The following ATP5PF variants were observed in gnomAD, a reference collection of about 807,000 sequenced individuals.
The protein encoded by ATP5PF is ATP synthase peripheral stalk subunit F6, mitochondrial.
In ATP5PF, 7 loss-of-function variants were observed where a neutral mutation model predicts 12.0. The observed-to-expected ratio is 0.58, with a 90% CI of 0.33 to 1.10. ATP5PF has a LOEUF of 1.10. ATP5PF is among the 50% of genes least tolerant of loss of function. The pLI is 0.03. For missense variants in ATP5PF, 120 were observed against 127.7 expected (o/e 0.94, Z 0.29); for synonymous variants, 41 against 45.4 (o/e 0.90, Z 0.39).
At chr21:25,731,427 T>A (rs926007182) in intron 1 of ATP5PF, among the ~76,000 whole-genome samples, 1 of 151,166 alleles carries the variant, frequency 6.6e-6, no homozygotes, top group Non-Finnish European at 1.5e-5. Context: ...TCAGACAGGG[T>A]CTCACTCTGT....
rs969805921 is a variant in ATP5PF, at chr21:25,734,279, A to G, written c.-8+574T>C. 6.2e-6 allele frequency: 6 copies of G among 968,558 alleles called. No homozygotes were observed. The African/African-American group carries it at 1.1e-4, about 17-fold the overall frequency. The allele number at this position is 968,558 out of a possible 1,614,324, so 60.0% of individuals were successfully genotyped here. A position where few individuals can be genotyped will look rare whatever the true frequency, so the allele number is the denominator to read the frequency against. ...GCAACAGTAAGAAAACACTAGTCTG[A>G]GCAGAGGCCTTGTTCTGGGTGGGAG... On this transcript the variant is annotated intron_variant, in intron 1 of 3. Transcript: ENST00000284971.
intron 1 of ATP5PF, among the ~76,000 whole-genome samples, chr21:25,733,710 A>G (rs1281689499): frequency 6.6e-6 from 1 of 152,182 alleles, no homozygotes; most frequent in Non-Finnish European, 1.5e-5. Context: ...ACTTCCATAT[A>G]TATCCTTTCC....
intron 3 of ATP5PF, 58 bp downstream of exon 3, chr21:25,725,168 G>A (rs1474536246): frequency 9.0e-6 from 14 of 1,558,986 alleles, no homozygotes; most frequent in Non-Finnish European, 1.1e-5. Context: ...ATCCAGGTAA[G>A]TGTAAATATT....
At chr21:25,734,495 T>C (rs996770724) in intron 1 of ATP5PF, 15 of 682,044 alleles carry the variant, frequency 2.2e-5, no homozygotes, top group Non-Finnish European at 2.8e-5. Context: ...TCTGCCTAAG[T>C]AGCCTAGACG....
intron 2 of ATP5PF, among the ~76,000 whole-genome samples, chr21:25,727,626 G>T (rs749130547): frequency 6.6e-6 from 1 of 152,054 alleles, no homozygotes; most frequent in African/African-American, 2.4e-5. Context: ...ACAAACGAAT[G>T]AATGACCCAC....
In ATP5PF at chr21:25,725,273, A is replaced by G. The variant is rs775263367; in HGVS notation, c.242T>C (p.Met81Thr). 2 of 1,613,442 alleles carry G rather than the reference A, an allele frequency of 1.2e-6. No individual in the cohort carries two copies. Among genetic ancestry groups the G allele is most frequent in the Non-Finnish European group, 1.7e-6 (2 of 1,179,958 alleles). Residue 81 changes from methionine (M) to threonine (T), a missense_variant, in exon 3 of 4, where the codon ATG becomes ACG. Physicochemically the swap from Met to Thr is moderately conservative, Grantham distance 81. Transcript: ENST00000284971. ...TGTATTCATGTCTGCATTACCAAAC[A>G]TTTGCTTGAGCTTAAAAAGCTCCCT... Reference protein sequence around the residue: ...LERELFKLKQMFGNADMNTFP... With the variant: ...LERELFKLKQTFGNADMNTFP...
At chr21:25,729,151 T>TA (rs1555875003) in intron 2 of ATP5PF, among the ~76,000 whole-genome samples, 1 of 152,076 alleles carries the variant, frequency 6.6e-6, no homozygotes, top group East Asian at 1.9e-4. Flanking sequence ...AATAGCCTTT[T>TA]AAAAAAAAGA....
At chr21:25,727,168 A>T (rs926096894) in intron 2 of ATP5PF, among the ~76,000 whole-genome samples, 9 of 152,226 alleles carry the variant, frequency 5.9e-5, no homozygotes, top group Admixed American at 5.9e-4. Flanking sequence ...GATAACGGCA[A>T]CCAAAATGGA....
intron 1 of ATP5PF, among the ~76,000 whole-genome samples, chr21:25,733,505 C>T (rs959790043): frequency 1.3e-5 from 2 of 151,606 alleles, no homozygotes; most frequent in African/African-American, 2.4e-5. Flanking sequence ...CCAGCCTGGG[C>T]GACAGAGCGA....
At chr21:25,729,268 T>G (rs2034694389) in intron 2 of ATP5PF, among the ~76,000 whole-genome samples, 1 of 152,250 alleles carries the variant, frequency 6.6e-6, no homozygotes, top group African/African-American at 2.4e-5. Context: ...TTTTATGATC[T>G]TCGGCTAATC....
intron 3 of ATP5PF, 47 bp downstream of exon 3, chr21:25,725,177 TTC>T: frequency 6.4e-7 from 1 of 1,569,290 alleles, no homozygotes; most frequent in Non-Finnish European, 8.6e-7. Context: ...AGTGTAAATA[TTC>T]TTCACTTATC....
At chr21:25,725,497 T>C (rs2034595019) in intron 2 of ATP5PF, 147 bp from the exon 3 acceptor site, 2 of 883,188 alleles carry the variant, frequency 2.3e-6, no homozygotes, top group South Asian at 4.0e-5. Context: ...TGGAGTGCGG[T>C]AGCATGATCT....
chr21:25,733,251 C>T (rs149223175), intron 1 of ATP5PF, among the ~76,000 whole-genome samples: 4 of 152,058 alleles, frequency 2.6e-5, no homozygotes, highest in African/African-American at 7.2e-5. Flanking sequence ...TCAAAGTGGT[C>T]GGGCGCGGTG....
chr21:25,726,219 CTT>C (rs546154485), intron 2 of ATP5PF, among the ~76,000 whole-genome samples: 76 of 152,314 alleles, frequency 5.0e-4, no homozygotes, highest in African/African-American at 1.8e-3. Context: ...AGACCTTAGA[CTT>C]TTAAGTTTCT....
intron 1 of ATP5PF, chr21:25,734,492 A>C: frequency 1.4e-6 from 1 of 709,032 alleles, no homozygotes; most frequent in Non-Finnish European, 1.8e-6. Flanking sequence ...CGTTCTGCCT[A>C]AGTAGCCTAG....
chr21:25,734,548 C>G (rs1265494692), intron 1 of ATP5PF: 2 of 462,468 alleles, frequency 4.3e-6, no homozygotes, highest in African/African-American at 4.1e-5. Flanking sequence ...GAAAATCTCT[C>G]CCGCGCGCCT....
chr21:25,727,705 G>A (rs1307946378), intron 2 of ATP5PF, among the ~76,000 whole-genome samples: 1 of 152,176 alleles, frequency 6.6e-6, no homozygotes, highest in East Asian at 1.9e-4. Context: ...TTTAAAGACA[G>A]TTAAAATGAT....
intron 1 of ATP5PF, chr21:25,734,402 A>AGG (rs2034925794): frequency 3.0e-6 from 3 of 992,316 alleles, no homozygotes; most frequent in Non-Finnish European, 3.6e-6. Context: ...AAGTCGCCTA[A>AGG]TGAAGTGTTA....
intron 2 of ATP5PF, 101 bp downstream of exon 2, chr21:25,729,530 G>A: frequency 9.2e-7 from 1 of 1,089,168 alleles, no homozygotes; most frequent in Non-Finnish European, 1.3e-6. Flanking sequence ...TGAGCTCAGT[G>A]AAGGTCTAAT....
Sources: gnomAD v4.1 joint callset for allele counts (sites outside exome capture counted in the v4.1 genomes callset) on GRCh38, gnomAD v4.1.1 for gene constraint, MANE v1.5 for transcripts, NCBI Gene and HGNC (gene_info 2026-07-23, HGNC 2026-07-21) for gene names.